Variants in RORA observed in about 807,000 individuals in gnomAD.
RORA encodes RAR related orphan receptor A.
In RORA, 7 loss-of-function variants were observed where a neutral mutation model predicts 69.5. The observed-to-expected ratio is 0.10, with a 90% CI of 0.06 to 0.19. RORA has a LOEUF of 0.19. Ranked by LOEUF, RORA falls within the 10% of genes least tolerant of loss-of-function variation. The probability of loss-of-function intolerance (pLI) is 1.00; values close to 1 mark genes in which losing one functional copy is unlikely to be tolerated. For synonymous variants in RORA, 261 were observed against 240.8 expected (o/e 1.08, Z -0.78); for missense variants, 457 against 663.0 (o/e 0.69, Z 3.41).
At chr15:60,988,496 G>A (rs192841152) in intron 1 of RORA, among the ~76,000 whole-genome samples, 4 of 152,170 alleles carry the variant, frequency 2.6e-5, no homozygotes, top group African/African-American at 4.8e-5. Context: ...CTGTTGTTCC[G>A]CCTCCATTGG....
At chr15:60,803,149 C>G (rs957038435) in intron 1 of RORA, among the ~76,000 whole-genome samples, 2 of 152,184 alleles carry the variant, frequency 1.3e-5, no homozygotes, top group African/African-American at 2.4e-5. Flanking sequence ...AACACAATGG[C>G]CTGTGCCTAT....
chr15:61,105,205 C>T (rs542424669), intron 1 of RORA, among the ~76,000 whole-genome samples: 17 of 152,208 alleles, frequency 1.1e-4, no homozygotes, highest in African/African-American at 4.1e-4. Context: ...AGACCTTTTA[C>T]ATTTATAATG....
At chr15:60,690,692 C>A in intron 1 of RORA, among the ~76,000 whole-genome samples, 1 of 152,166 alleles carries the variant, frequency 6.6e-6, no homozygotes, top group East Asian at 1.9e-4. Flanking sequence ...GTACCTTTCC[C>A]TGAAAAAGGA....
At chr15:60,778,314 A>G (rs2072204373) in intron 1 of RORA, among the ~76,000 whole-genome samples, 1 of 148,140 alleles carries the variant, frequency 6.8e-6, no homozygotes, top group East Asian at 2.0e-4. Flanking sequence ...TTTTTTTCCC[A>G]TGCAAAAGGA....
At chr15:61,094,221 C>T (rs890470784) in intron 1 of RORA, among the ~76,000 whole-genome samples, 1 of 152,032 alleles carries the variant, frequency 6.6e-6, no homozygotes, top group Non-Finnish European at 1.5e-5. Context: ...CCATAGATTC[C>T]AAGGAGATAT....
chr15:61,007,775 G>GCCT (rs891597895), intron 1 of RORA, among the ~76,000 whole-genome samples: 1 of 146,290 alleles, frequency 6.8e-6, no homozygotes, highest in Admixed American at 6.9e-5. Context: ...TATAACATTA[G>GCCT]GCTGTTATAT....
intron 2 of RORA, among the ~76,000 whole-genome samples, chr15:60,551,961 G>A (rs1300009656): frequency 1.3e-5 from 2 of 152,206 alleles, no homozygotes; most frequent in African/African-American, 2.4e-5. Flanking sequence ...TGGGAAGAGT[G>A]AGCCGAGGCT....
chr15:60,593,127 A>T (rs2068588311), intron 2 of RORA: 1 of 308,252 alleles, frequency 3.2e-6, no homozygotes, highest in African/African-American at 2.3e-5. Context: ...TTCTGGAGAG[A>T]CTCGGCCTGG....
At chr15:60,832,981 T>A (rs886985289) in intron 1 of RORA, among the ~76,000 whole-genome samples, 22 of 151,986 alleles carry the variant, frequency 1.4e-4, no homozygotes, top group African/African-American at 5.3e-4. Context: ...CTCGGCTCAC[T>A]GCAAGCTCCG....
At chr15:61,218,363 A>G (rs746804737) in intron 1 of RORA, among the ~76,000 whole-genome samples, 4 of 152,168 alleles carry the variant, frequency 2.6e-5, no homozygotes, top group Non-Finnish European at 5.9e-5. Context: ...GTGCCTGTCA[A>G]GTGGTATTTC....
At chr15:60,805,516 T>C in intron 1 of RORA, among the ~76,000 whole-genome samples, 1 of 152,180 alleles carries the variant, frequency 6.6e-6, no homozygotes, top group Non-Finnish European at 1.5e-5. Flanking sequence ...TTACCTACCT[T>C]CTCTGATCTT....
rs1446474742 is a variant in RORA, at chr15:60,494,999, T to C, written c.*2456A>G. The C allele has an allele frequency of 1.3e-5, 2 of 152,214 alleles. No homozygotes were observed. Among genetic ancestry groups the C allele is most frequent in the Admixed American group, 1.3e-4 (2 of 15,274 alleles). The allele number at this position is 152,214 out of a possible 1,614,324, so 9.4% of individuals were successfully genotyped here. ...TCTTTAATGCGCTAGCACCTGAGGC[T>C]GGTCATATTCAGAAAGCTTTGGTTA... On this transcript the variant is annotated 3_prime_UTR_variant, in exon 11 of 11. Transcript: ENST00000335670.
rs577886749 is a variant in RORA, at chr15:61,221,360, G to T, written c.166+7693C>A. On this transcript the variant is annotated intron_variant, in intron 1 of 10. Coordinates refer to ENST00000335670, the MANE Select transcript of RORA (RefSeq NM_134261.3). Reference sequence around the variant, plus strand: ...ACCATACTTCATAGTAGATTCAAACGATGGTCCCTCATTTCCCCCTCATTC... The same window carrying T: ...ACCATACTTCATAGTAGATTCAAACTATGGTCCCTCATTTCCCCCTCATTC... Among the ~76,000 whole-genome samples the T allele has an allele frequency of 3.3e-5, 5 of 152,244 alleles. No homozygotes were observed. In the East Asian group the frequency reaches 7.7e-4, roughly 24 times the overall value.
intron 1 of RORA, among the ~76,000 whole-genome samples, chr15:61,148,753 C>A (rs2079372903): frequency 2.0e-5 from 3 of 152,152 alleles, no homozygotes; most frequent in Non-Finnish European, 4.4e-5. Flanking sequence ...TATAAATCTA[C>A]TCAGCAGTTA....
chr15:60,663,316 G>T (rs1477711665), intron 2 of RORA, among the ~76,000 whole-genome samples: 1 of 152,230 alleles, frequency 6.6e-6, no homozygotes, highest in Non-Finnish European at 1.5e-5. Context: ...TTTTAGATCA[G>T]AATATGGTAG....
At chr15:61,078,212 G>A (rs1393774412) in intron 1 of RORA, among the ~76,000 whole-genome samples, 1 of 152,182 alleles carries the variant, frequency 6.6e-6, no homozygotes, top group Non-Finnish European at 1.5e-5. Flanking sequence ...TCCCCAGGCT[G>A]CAGTGCAGTG....
At chr15:61,011,777 C>T (rs1335362578) in intron 1 of RORA, among the ~76,000 whole-genome samples, 1 of 152,208 alleles carries the variant, frequency 6.6e-6, no homozygotes, top group East Asian at 1.9e-4. Flanking sequence ...TTTAACTAAA[C>T]TTGCTACCAA....
intron 1 of RORA, among the ~76,000 whole-genome samples, chr15:61,071,140 G>A (rs1304311563): frequency 1.4e-5 from 2 of 142,366 alleles, no homozygotes; most frequent in Non-Finnish European, 3.0e-5. Flanking sequence ...TTACCAATAT[G>A]AGGTTGTTTC....
At chr15:61,020,153 A>G (rs774202488) in intron 1 of RORA, among the ~76,000 whole-genome samples, 1 of 152,120 alleles carries the variant, frequency 6.6e-6, no homozygotes, top group Non-Finnish European at 1.5e-5. Context: ...CCACTGTCCG[A>G]ATTTTGCAAG....
Sources: gnomAD v4.1 joint callset for allele counts (sites outside exome capture counted in the v4.1 genomes callset) on GRCh38, gnomAD v4.1.1 for gene constraint, MANE v1.5 for transcripts, NCBI Gene and HGNC (gene_info 2026-07-23, HGNC 2026-07-21) for gene names.